The following AGBL1 variants were observed in gnomAD, a reference collection of about 807,000 sequenced individuals.
The protein encoded by AGBL1 is cytosolic carboxypeptidase 4.
A neutral mutation model predicts 118.9 loss-of-function variants in AGBL1; 130 were observed. The ratio of observed to expected loss-of-function variants is 1.09; its 90% CI spans 0.95 to 1.26. The LOEUF (loss-of-function observed/expected upper bound fraction) is 1.26. AGBL1 is among the 50% of genes most tolerant of loss of function. The pLI, the probability that AGBL1 is intolerant of heterozygous loss-of-function variation, is 0.00. For synonymous variants in AGBL1, 555 were observed against 478.9 expected (o/e 1.16, Z -2.08); for missense variants, 1,584 against 1,298.1 (o/e 1.22, Z -3.38).
chr15:86,985,279 A>G (rs2081270753), intron 23 of AGBL1, among the ~76,000 whole-genome samples: 1 of 152,182 alleles, frequency 6.6e-6, no homozygotes, highest in South Asian at 2.1e-4. Context: ...TCTGGTTCAT[A>G]TGGTAGGTTG....
At chr15:86,924,279 A>T (rs1466826588) in intron 23 of AGBL1, among the ~76,000 whole-genome samples, 2 of 152,232 alleles carry the variant, frequency 1.3e-5, no homozygotes, top group Non-Finnish European at 2.9e-5. Flanking sequence ...TAATGGTACA[A>T]TGAATGGTCT....
intron 17 of AGBL1, among the ~76,000 whole-genome samples, chr15:86,304,612 C>A (rs1311641284): frequency 2.0e-5 from 3 of 152,174 alleles, no homozygotes; most frequent in Non-Finnish European, 1.5e-5. Context: ...ATCCCTGAAC[C>A]TGTTCTTGCT....
At chr15:86,728,932 G>C (rs1445946408) in intron 22 of AGBL1, among the ~76,000 whole-genome samples, 2 of 152,132 alleles carry the variant, frequency 1.3e-5, no homozygotes, top group African/African-American at 4.8e-5. Flanking sequence ...CAGGGATTTT[G>C]TGTGTTTTAT....
At chr15:86,740,983 C>T (rs1479287898) in intron 22 of AGBL1, among the ~76,000 whole-genome samples, 1 of 152,072 alleles carries the variant, frequency 6.6e-6, no homozygotes, top group African/African-American at 2.4e-5. Flanking sequence ...TCCTCTCTCT[C>T]AGAGGACACA....
At chr15:86,564,467 C>G (rs968205669) in intron 21 of AGBL1, among the ~76,000 whole-genome samples, 1 of 152,220 alleles carries the variant, frequency 6.6e-6, no homozygotes, top group Admixed American at 6.5e-5. Flanking sequence ...CCCCCACTCT[C>G]TTCTGGCTTG....
chr15:86,500,353 C>G (rs1455838020), intron 18 of AGBL1, among the ~76,000 whole-genome samples: 1 of 151,660 alleles, frequency 6.6e-6, no homozygotes, highest in African/African-American at 2.4e-5. Flanking sequence ...ACACAAGAAA[C>G]TGGAAAGTTA....
rs1300267449 is a variant in AGBL1, at chr15:87,016,609, A to C, written c.3324-12216A>C. ...CTCATGGAGAGAAAAGAAAATGGCA[A>C]GTGAATTCAGCACCTTCAACTGAAA... On this transcript the variant is annotated intron_variant, in intron 24 of 24. Transcript: ENST00000441037. 2.6e-5 allele frequency among the ~76,000 whole-genome samples: 4 copies of C among 152,350 alleles called. No individual in the cohort carries two copies. In the South Asian group the frequency reaches 8.3e-4, roughly 32 times the overall value.
At chr15:86,694,864 G>A (rs541691645) in intron 22 of AGBL1, among the ~76,000 whole-genome samples, 1 of 151,988 alleles carries the variant, frequency 6.6e-6, no homozygotes, top group South Asian at 2.1e-4. Flanking sequence ...TGTGATTTTT[G>A]TTTTGAATTC....
intron 21 of AGBL1, among the ~76,000 whole-genome samples, chr15:86,656,119 TTGTG>T: frequency 6.6e-6 from 1 of 152,178 alleles, no homozygotes; most frequent in Non-Finnish European, 1.5e-5. Flanking sequence ...ATGGAGGTCT[TTGTG>T]TGATGAATTT....
chr15:86,664,974 A>G (rs1323556243), intron 21 of AGBL1, among the ~76,000 whole-genome samples: 1 of 152,152 alleles, frequency 6.6e-6, no homozygotes, highest in East Asian at 1.9e-4. Flanking sequence ...AAACACACAA[A>G]GAAAATATTT....
intron 21 of AGBL1, among the ~76,000 whole-genome samples, chr15:86,646,476 C>A (rs779052452): frequency 3.9e-5 from 6 of 152,134 alleles, no homozygotes; most frequent in Non-Finnish European, 7.4e-5. Context: ...TTATCCTCAT[C>A]TTTCTGTTTA....
At chr15:86,493,694 T>C in intron 18 of AGBL1, among the ~76,000 whole-genome samples, 1 of 152,172 alleles carries the variant, frequency 6.6e-6, no homozygotes, top group African/African-American at 2.4e-5. Flanking sequence ...TTTTGCACAA[T>C]ATTTATCCAT....
chr15:86,360,250 C>G (rs775596823), intron 17 of AGBL1, among the ~76,000 whole-genome samples: 1 of 150,612 alleles, frequency 6.6e-6, no homozygotes, highest in South Asian at 2.1e-4. Context: ...GAGTTTCAAT[C>G]ATGAATGGAT....
At chr15:86,577,492 G>A (rs2084108303) in intron 21 of AGBL1, among the ~76,000 whole-genome samples, 1 of 152,198 alleles carries the variant, frequency 6.6e-6, no homozygotes, top group Admixed American at 6.5e-5. Flanking sequence ...TTTCTGAGGT[G>A]AAATTCAAGA....
chr15:86,585,476 C>G (rs2084232430), intron 21 of AGBL1, among the ~76,000 whole-genome samples: 1 of 152,114 alleles, frequency 6.6e-6, no homozygotes, highest in South Asian at 2.1e-4. Context: ...TTATTATAAG[C>G]TTGAACTCCC....
chr15:86,943,815 G>A (rs1454417149), intron 23 of AGBL1, among the ~76,000 whole-genome samples: 1 of 152,114 alleles, frequency 6.6e-6, no homozygotes, highest in African/African-American at 2.4e-5. Context: ...TTTTATTAAA[G>A]GGAAACCTTA....
At chr15:86,827,424 T>C (rs1205073641) in intron 22 of AGBL1, among the ~76,000 whole-genome samples, 2 of 8,664 alleles carry the variant, frequency 2.3e-4, no homozygotes, top group African/African-American at 2.1e-3. Context: ...TATATATATA[T>C]ATATACACAT....
intron 18 of AGBL1, among the ~76,000 whole-genome samples, chr15:86,451,110 T>A (rs2082187013): frequency 6.6e-6 from 1 of 152,226 alleles, no homozygotes; most frequent in African/African-American, 2.4e-5. Flanking sequence ...TACAGACTCA[T>A]TACAGAACAT....
At chr15:86,547,381 TA>T (rs2083597631) in intron 20 of AGBL1, among the ~76,000 whole-genome samples, 1 of 152,086 alleles carries the variant, frequency 6.6e-6, no homozygotes, top group Non-Finnish European at 1.5e-5. Flanking sequence ...CAAGGGAAGG[TA>T]ATAATATTAA....
Sources: gnomAD v4.1 joint callset for allele counts (sites outside exome capture counted in the v4.1 genomes callset) on GRCh38, gnomAD v4.1.1 for gene constraint, MANE v1.5 for transcripts, NCBI Gene and HGNC (gene_info 2026-07-23, HGNC 2026-07-21) for gene names.